TEX11: variants seen among roughly 807,000 people sequenced by gnomAD.
TEX11 encodes the protein testis-expressed protein 11.
Under a neutral mutation model 84.4 loss-of-function variants are expected in TEX11, and 7 were observed. That is an observed-to-expected ratio of 0.08 (90% confidence interval 0.05 to 0.16). The LOEUF is 0.16. Among genes scored for constraint, TEX11 ranks in the 10% least tolerant of loss-of-function variants. The pLI, the probability that TEX11 is intolerant of heterozygous loss-of-function variation, is 1.00. For synonymous variants in TEX11, 264 were observed against 222.8 expected, an observed-to-expected ratio of 1.18 and a Z score of -1.64; for missense variants, 551 against 660.5, an observed-to-expected ratio of 0.83 and a Z score of 1.82.
At chrX:70,760,221 T>C (rs2090899437) in intron 9 of TEX11, among the ~76,000 whole-genome samples, 1 of 111,798 alleles carries the variant, frequency 8.9e-6, no homozygotes, top group African/African-American at 3.3e-5. Context: ...GCCATCCCCA[T>C]CAAGCTACCA....
intron 25 of TEX11, among the ~76,000 whole-genome samples, chrX:70,584,953 C>T (rs2088833476): frequency 9.0e-6 from 1 of 111,625 alleles, no homozygotes; most frequent in Admixed American, 9.6e-5. Flanking sequence ...AGATCAGGAA[C>T]AAGACAAGGA....
intron 16 of TEX11, among the ~76,000 whole-genome samples, chrX:70,656,268 A>T (rs545222122): frequency 6.7e-4 from 72 of 106,782 alleles, no homozygotes; most frequent in Non-Finnish European, 1.2e-3. Flanking sequence ...CAACAAAAAA[A>T]TTTTTTTAAA....
chrX:70,637,288 C>T (rs1831938331), intron 17 of TEX11, among the ~76,000 whole-genome samples: 1 of 111,998 alleles, frequency 8.9e-6, no homozygotes, highest in South Asian at 3.7e-4. Context: ...AAAAGGAATG[C>T]TTTTACACTT....
intron 17 of TEX11, among the ~76,000 whole-genome samples, chrX:70,630,476 A>T (rs1404145594): frequency 9.0e-6 from 1 of 111,233 alleles, no homozygotes; most frequent in Non-Finnish European, 1.9e-5. Flanking sequence ...TAAAGGTGGA[A>T]TATGACAAGT....
chrX:70,576,590 G>C (rs1186193728), intron 25 of TEX11, among the ~76,000 whole-genome samples: 1 of 111,964 alleles, frequency 8.9e-6, no homozygotes, highest in Non-Finnish European at 1.9e-5. Context: ...TCCTTCCAAG[G>C]CTTTATAGAT....
At chrX:70,704,739 C>T (rs1460048830) in intron 13 of TEX11, among the ~76,000 whole-genome samples, 1 of 110,372 alleles carries the variant, frequency 9.1e-6, no homozygotes, top group Non-Finnish European at 1.9e-5. Context: ...TTTCCATTTC[C>T]TATTCTGGAA....
chrX:70,898,755 G>A (rs917720977), intron 2 of TEX11, among the ~76,000 whole-genome samples: 2 of 110,273 alleles, frequency 1.8e-5, no homozygotes, highest in South Asian at 3.9e-4. Flanking sequence ...ACAGGTGCCC[G>A]CCAGCACACT....
At chrX:70,894,744 A>T (rs997654975) in intron 2 of TEX11, among the ~76,000 whole-genome samples, 8 of 111,942 alleles carry the variant, frequency 7.1e-5, no homozygotes, top group African/African-American at 2.6e-4. Flanking sequence ...CAAATCGATA[A>T]ACATAATCCA....
intron 18 of TEX11, among the ~76,000 whole-genome samples, chrX:70,627,907 A>T (rs1232649619): frequency 9.0e-6 from 1 of 111,458 alleles, no homozygotes; most frequent in Non-Finnish European, 1.9e-5. Flanking sequence ...ACTTTATCTC[A>T]TACTCCTCCC....
intron 2 of TEX11, among the ~76,000 whole-genome samples, chrX:70,894,045 G>A (rs1207926593): frequency 1.8e-5 from 2 of 111,292 alleles, no homozygotes; most frequent in Non-Finnish European, 1.9e-5. Context: ...TCCCTGAATA[G>A]ACCAATAACA....
chrX:70,662,268 A>G (rs1167139052), intron 16 of TEX11, among the ~76,000 whole-genome samples: 1 of 111,832 alleles, frequency 8.9e-6, no homozygotes, highest in African/African-American at 3.3e-5. Context: ...GGTATCAGCG[A>G]TGGAAGATCA....
intron 2 of TEX11, among the ~76,000 whole-genome samples, chrX:70,888,613 G>C (rs763222610): frequency 9.0e-6 from 1 of 111,627 alleles, no homozygotes; most frequent in African/African-American, 3.3e-5. Flanking sequence ...AAAGCTAATA[G>C]TTATTGGCCT....
chrX:70,757,743 A>G (rs1449656814), intron 9 of TEX11, among the ~76,000 whole-genome samples: 2 of 111,728 alleles, frequency 1.8e-5, no homozygotes, highest in Non-Finnish European at 3.8e-5. Context: ...CTAACATCAT[A>G]ATGACAGGAT....
intron 13 of TEX11, among the ~76,000 whole-genome samples, chrX:70,710,088 T>A (rs993551706): frequency 1.1e-4 from 12 of 110,258 alleles, no homozygotes; most frequent in African/African-American, 3.6e-4. Flanking sequence ...GTCACTGGAA[T>A]AAACAGTAAC....
At chrX:70,794,525 A>G (rs1007296041) in intron 9 of TEX11, among the ~76,000 whole-genome samples, 1 of 109,701 alleles carries the variant, frequency 9.1e-6, no homozygotes, top group African/African-American at 3.3e-5. Context: ...CCCTCCCCCA[A>G]GCCCAGGCAG....
intron 13 of TEX11, among the ~76,000 whole-genome samples, chrX:70,706,726 A>G (rs903920138): frequency 1.8e-5 from 2 of 111,355 alleles, no homozygotes; most frequent in African/African-American, 3.3e-5. Flanking sequence ...TAGCAACAAA[A>G]TGACTGGTAC....
intron 9 of TEX11, among the ~76,000 whole-genome samples, chrX:70,782,756 G>A (rs944637023): frequency 2.8e-5 from 3 of 107,970 alleles, no homozygotes; most frequent in African/African-American, 1.0e-4. Flanking sequence ...AATGGTAAAA[G>A]GATCAATAAA....
At chrX:70,728,275 G>A (rs1468156840) in intron 11 of TEX11, among the ~76,000 whole-genome samples, 1 of 112,240 alleles carries the variant, frequency 8.9e-6, no homozygotes, top group Non-Finnish European at 1.9e-5. Context: ...TTCCAACTGA[G>A]GTACTGGGTG....
chrX:70,556,728 G>A (rs548846788), intron 25 of TEX11, among the ~76,000 whole-genome samples: 3 of 111,401 alleles, frequency 2.7e-5, no homozygotes, highest in Admixed American at 9.6e-5. Flanking sequence ...GAATATTCAA[G>A]TTTCCAAGTA....
Sources: gnomAD v4.1 joint callset for allele counts (sites outside exome capture counted in the v4.1 genomes callset) on GRCh38, gnomAD v4.1.1 for gene constraint, MANE v1.5 for transcripts, NCBI Gene and HGNC (gene_info 2026-07-23, HGNC 2026-07-21) for gene names.